CBLN3: variants seen among roughly 807,000 people sequenced by gnomAD.
CBLN3 encodes cerebellin 3 precursor.
A neutral mutation model predicts 17.4 loss-of-function variants in CBLN3; 14 were observed. The observed-to-expected ratio is 0.81, with a 90% CI of 0.53 to 1.26. The LOEUF (loss-of-function observed/expected upper bound fraction) is 1.26, where lower values mean the gene tolerates loss of function less well. Among genes scored for constraint, CBLN3 ranks in the 50% most tolerant of loss-of-function variants. The pLI is 0.00. For missense variants in CBLN3, 263 were observed against 268.5 expected (o/e 0.98, Z 0.14); for synonymous variants, 129 against 117.4 (o/e 1.10, Z -0.64).
Position 24,429,504 on chromosome 14 carries a change from A to G in CBLN3, c.-450T>C. ...TCCTCCTACTCTTCCTCTCTTCAAA[A>G]TCCCCCACAAATCAACAGCCCTTCT... On this transcript the variant is annotated 5_prime_UTR_variant, in exon 1 of 3. Coordinates refer to ENST00000267406, the MANE Select transcript of CBLN3 (RefSeq NM_001039771.3). 2.2e-6 allele frequency: 1 copy of G among 459,070 alleles called. No homozygotes were observed. Among genetic ancestry groups the G allele is most frequent in the Non-Finnish European group, 4.2e-6 (1 of 237,334 alleles). The allele number at this position is 459,070 out of a possible 1,614,324, so 28.4% of individuals were successfully genotyped here.
chr14:24,428,185 GAC>G (rs2043042193), intron 2 of CBLN3, 99 bp downstream of exon 2: 1 of 1,505,162 alleles, frequency 6.6e-7, no homozygotes, highest in African/African-American at 1.4e-5. Context: ...TGGCCTCCAG[GAC>G]ACAGGTCAAT....
intron 2 of CBLN3, 38 bp downstream of exon 2, chr14:24,428,248 C>T (rs2043043201): frequency 1.2e-6 from 2 of 1,608,924 alleles, no homozygotes; most frequent in South Asian, 1.1e-5. Flanking sequence ...CCCTCCCCAC[C>T]CTCCTGAGCC....
In CBLN3 at chr14:24,428,383, C is replaced by A. The variant is rs745665419; in HGVS notation, c.323G>T (p.Gly108Val). 21 of 1,613,888 alleles carry A rather than the reference C, an allele frequency of 1.3e-5. No individual in the cohort carries two copies. The Admixed American group carries it at 3.3e-4, about 26-fold the overall frequency. The change falls in exon 2 of 3, where the codon GGC becomes GTC. Residue 108 changes from glycine to valine, a missense_variant. Gly to Val is a moderately radical substitution (Grantham distance 109, BLOSUM62 -3). Coordinates refer to ENST00000267406, the MANE Select transcript of CBLN3 (RefSeq NM_001039771.3). ...GAAGGAGCCAGAGGCCCGGTCAAAG[C>A]CACCGCCCTCGTTCACCAGGACCTG... Reference protein sequence around the residue: ...FDQVLVNEGGGFDRASGSFVA... With the variant: ...FDQVLVNEGGVFDRASGSFVA...
In CBLN3 at chr14:24,429,393, G is replaced by A. The variant is rs1010819133; in HGVS notation, c.-339C>T. The A allele has an allele frequency of 5.1e-6, 3 of 592,558 alleles. No homozygotes were observed. The highest frequency in any genetic ancestry group is 9.5e-6 in the Non-Finnish European group (3 of 315,108). The allele number at this position is 592,558 out of a possible 1,614,324, so 36.7% of individuals were successfully genotyped here. A position where few individuals can be genotyped will look rare whatever the true frequency, so the allele number is the denominator to read the frequency against. Reference sequence around the variant, plus strand: ...GACAGCACTGAGGGCTGGACCTGGGGGGATGGAGAACATGGTATGTGTGTG... The same window carrying A: ...GACAGCACTGAGGGCTGGACCTGGGAGGATGGAGAACATGGTATGTGTGTG... On this transcript the variant is annotated 5_prime_UTR_variant, in exon 1 of 3. Coordinates refer to ENST00000267406, the MANE Select transcript of CBLN3 (RefSeq NM_001039771.3).
chr14:24,428,213 A>C, intron 2 of CBLN3, 73 bp downstream of exon 2: 1 of 1,580,616 alleles, frequency 6.3e-7, no homozygotes. Flanking sequence ...GTCCACCCGG[A>C]GGTCAGCTGG....
rs1298335541 is a variant in CBLN3, at chr14:24,428,988, C to A, written c.67G>T (p.Val23Leu). 2.6e-6 allele frequency: 4 copies of A among 1,550,332 alleles called. No individual in the cohort carries two copies. Among genetic ancestry groups the A allele is most frequent in the Non-Finnish European group, 1.7e-6 (2 of 1,146,590 alleles). ...LHSPGLPLVL[V>L]LLALGAGWAQ... ...CACCCGGCCCCCAGGGCCAGAAGCA[C>A]CAGAACCAAGGGCAGCCCGGGACTG... The change falls in exon 1 of 3, where the codon GTG becomes TTG. Residue 23 changes from valine to leucine, a missense_variant. Coordinates refer to ENST00000267406, the MANE Select transcript of CBLN3 (RefSeq NM_001039771.3).
chr14:24,428,760 C>T lies in CBLN3; in HGVS notation c.295G>A (p.Asp99Asn), dbSNP rs201024767. ...GACAGGGGTAGGGGGATTACCTGGT[C>T]GAAGTAGATGGCCCCACTGGTGCCA... ...GNGTSGAIYF[D>N]QVLVNEGGGF... The change falls in exon 1 of 3, where the codon GAC (aspartate) becomes AAC (asparagine). Residue 99 changes from aspartate to asparagine, a missense_variant. Physicochemically the swap from Asp to Asn is conservative, Grantham distance 23. Coordinates refer to ENST00000267406, the MANE Select transcript of CBLN3 (RefSeq NM_001039771.3). 5.7e-6 allele frequency: 9 copies of T among 1,585,118 alleles called. No homozygotes were observed. Among genetic ancestry groups the T allele is most frequent in the East Asian group, 4.5e-5 (2 of 44,556 alleles).
At position 24,427,733 on chromosome 14, in the gene CBLN3, G is replaced by C. The variant is rs920924970; in HGVS notation, c.*56C>G. On this transcript the variant is annotated 3_prime_UTR_variant, in exon 3 of 3. Coordinates refer to ENST00000267406, the MANE Select transcript of CBLN3 (RefSeq NM_001039771.3). The surrounding 1 kb of genome is among the most constrained non-coding windows in gnomAD (Gnocchi z 4.4). ...TGCCTCTGCTGTTTCTGGGGCAAGAGAGGGCAGAAGAAAGTTGTCAGGGGC... is the reference window on the plus strand; with the variant it reads ...TGCCTCTGCTGTTTCTGGGGCAAGACAGGGCAGAAGAAAGTTGTCAGGGGC... 1.0e-5 allele frequency: 16 copies of C among 1,524,846 alleles called. No individual in the cohort carries two copies. The highest frequency in any genetic ancestry group is 1.4e-5 in the Non-Finnish European group (15 of 1,101,436). 94.5% of individuals were successfully genotyped at this position (1,524,846 alleles called of 1,614,324 possible).
Position 24,429,174 on chromosome 14 carries a change from A to C in CBLN3, c.-120T>G, listed in dbSNP as rs978181376. The stretch of plus-strand genomic sequence containing the variant: ...CGTCTGCCCTCTCTAGGCTCGCTGA[A>C]CCCCCTCTCCATACCTGTGTCCCAG... On this transcript the variant is annotated 5_prime_UTR_variant, in exon 1 of 3. Transcript: ENST00000267406. 39 of 1,044,938 alleles carry C rather than the reference A, an allele frequency of 3.7e-5. No homozygotes were observed. Among genetic ancestry groups the C allele is most frequent in the Non-Finnish European group, 4.9e-5 (36 of 731,430 alleles). 64.7% of individuals were successfully genotyped at this position (1,044,938 alleles called of 1,614,324 possible). A position where few individuals can be genotyped will look rare whatever the true frequency, so the allele number is the denominator to read the frequency against.
In CBLN3 at chr14:24,428,489, G is replaced by A. The variant is rs1566493557; in HGVS notation, c.301-84C>T. 2.0e-6 allele frequency: 3 copies of A among 1,512,820 alleles called. No individual in the cohort carries two copies. The East Asian group carries it at 6.9e-5, about 35-fold the overall frequency. 93.7% of individuals were successfully genotyped at this position (1,512,820 alleles called of 1,614,324 possible). On this transcript the variant is annotated intron_variant, in intron 1 of 2. Coordinates refer to ENST00000267406, the MANE Select transcript of CBLN3 (RefSeq NM_001039771.3). ...CATGGGGACTAGGGGCAGGGGCAGT[G>A]AGTAATGAATAGAAGGAGTGGCAAG...
In CBLN3 at chr14:24,427,810, G is replaced by C. The variant is rs774542820; in HGVS notation, c.597C>G (p.Gly199=). 11 of 1,614,144 alleles carry C rather than the reference G, an allele frequency of 6.8e-6. No homozygotes were observed. The highest frequency in any genetic ancestry group is 1.7e-4 in the Middle Eastern group (1 of 6,060). The stretch of plus-strand genomic sequence containing the variant: ...GTCCTCAGAGAGGGAAGATGAGGAA[G>C]CCAGAGAAACTTGAGTATTTCCAAC... ...LGGWKYSSFS[G]FLIFPL The change falls in exon 3 of 3, where the codon GGC becomes GGG. Residue 199 remains glycine (G), a synonymous_variant. Transcript: ENST00000267406. This position sits in a 1 kb window ranked among gnomAD's most constrained non-coding sequence, Gnocchi z 4.4.
rs146562304 is a variant in CBLN3, at chr14:24,428,350, G to A, written c.356C>T (p.Pro119Leu). 3 of 1,613,976 alleles carry A rather than the reference G, an allele frequency of 1.9e-6. No homozygotes were observed. In the Admixed American group the frequency reaches 5.0e-5, roughly 27 times the overall value. Residue 119 changes from proline (P) to leucine (L), a missense_variant, in exon 2 of 3, where the codon CCT becomes CTT. Coordinates refer to ENST00000267406, the MANE Select transcript of CBLN3 (RefSeq NM_001039771.3). ...CCGGAAGCTGTAGACACCCCGGACA[G>A]GGGCTACGAAGGAGCCAGAGGCCCG... The part of the protein sequence containing the change: ...FDRASGSFVA[P>L]VRGVYSFRFH...
chr14:24,427,695 G>A lies in CBLN3; in HGVS notation c.*94C>T. On this transcript the variant is annotated 3_prime_UTR_variant, in exon 3 of 3. Transcript: ENST00000267406. The surrounding 1 kb of genome is among the most constrained non-coding windows in gnomAD (Gnocchi z 4.4). ...CAAAGAGGTGGGATAGGAGCCAGAG[G>A]GAGTCTCTCTCCTGCCTCTGCTGTT... is the stretch of plus-strand genomic sequence containing the variant. 1 of 1,137,640 alleles carries A rather than the reference G, an allele frequency of 8.8e-7. No individual in the cohort carries two copies. The highest frequency in any genetic ancestry group is 1.8e-5 in the Admixed American group (1 of 55,764). 70.5% of individuals were successfully genotyped at this position (1,137,640 alleles called of 1,614,324 possible).
chr14:24,428,037 C>T (rs965221257), intron 2 of CBLN3, 51 bp from the exon 3 acceptor site: 15 of 1,549,548 alleles, frequency 9.7e-6, no homozygotes, highest in Non-Finnish European at 1.2e-5. Context: ...TAGCTCAGGA[C>T]CCCCCACTTT....
chr14:24,427,737 G>T lies in CBLN3; in HGVS notation c.*52C>A, dbSNP rs1351419060. 5 of 1,547,592 alleles carry T rather than the reference G, an allele frequency of 3.2e-6. No individual in the cohort carries two copies. Among genetic ancestry groups the T allele is most frequent in the Non-Finnish European group, 4.5e-6 (5 of 1,121,546 alleles). ...TCTGCTGTTTCTGGGGCAAGAGAGG[G>T]CAGAAGAAAGTTGTCAGGGGCTGGA... On this transcript the variant is annotated 3_prime_UTR_variant, in exon 3 of 3. Coordinates refer to ENST00000267406, the MANE Select transcript of CBLN3 (RefSeq NM_001039771.3). The surrounding 1 kb of genome is among the most constrained non-coding windows in gnomAD (Gnocchi z 4.4).
At position 24,428,872 on chromosome 14, in the gene CBLN3, TC is replaced by T; in HGVS notation, c.182del (p.Gly61GlufsTer43). ...CAGGGGGTGCCTCTCCCAGGGCTGC[TC>T]CCCCGGGCCCCCCTGCAGCAGCTCG... Reference protein sequence around the residue: ...PGRAAAGGPGGAALGEAPPGR... With the variant: ...PGRAAAGGPGXAALGEAPPGR... On this transcript the variant is annotated frameshift_variant, in exon 1 of 3. Transcript: ENST00000267406. LOFTEE classifies it high-confidence loss of function. The T allele has an allele frequency of 2.5e-6, 4 of 1,605,638 alleles. No homozygotes were observed. The highest frequency in any genetic ancestry group is 1.7e-5 in the Admixed American group (1 of 58,816).
intron 2 of CBLN3, 107 bp from the exon 3 acceptor site, chr14:24,428,093 G>A: frequency 3.6e-6 from 5 of 1,377,618 alleles, no homozygotes; most frequent in East Asian, 2.3e-5. Flanking sequence ...GGGCTCTCCC[G>A]GGAGGGCTGA....
At position 24,427,864 on chromosome 14, in the gene CBLN3, CAG is replaced by C. The variant is rs1220381235; in HGVS notation, c.541_542del (p.Leu181AlafsTer38). On this transcript the variant is annotated frameshift_variant, in exon 3 of 3. Transcript: ENST00000267406. LOFTEE classifies it high-confidence loss of function. The surrounding 1 kb of genome is among the most constrained non-coding windows in gnomAD (Gnocchi z 4.4). ...LPLDPGDRVS[L>X]RLRRGNLLGG... is the part of the protein sequence containing the mutation. ...CCAGTAGATTCCCCCGACGCAGGCG[CAG>C]AGACACTCGGTCCCCAGGGTCCAAG... 1.9e-6 allele frequency: 3 copies of C among 1,614,138 alleles called. No homozygotes were observed. In the South Asian group the frequency reaches 3.3e-5, roughly 18 times the overall value.
rs1284082904 is a variant in CBLN3, at chr14:24,427,872, C to T, written c.535G>A (p.Val179Met). 1.2e-6 allele frequency: 2 copies of T among 1,614,028 alleles called. No individual in the cohort carries two copies. Among genetic ancestry groups the T allele is most frequent in the Non-Finnish European group, 1.7e-6 (2 of 1,180,018 alleles). The change falls in exon 3 of 3, where the codon GTG becomes ATG. Residue 179 changes from valine to methionine, a missense_variant. By Grantham distance (21) the Val-to-Met change is conservative (BLOSUM62 1). Coordinates refer to ENST00000267406, the MANE Select transcript of CBLN3 (RefSeq NM_001039771.3). The surrounding 1 kb of genome is among the most constrained non-coding windows in gnomAD (Gnocchi z 4.4). ...TTCCCCCGACGCAGGCGCAGAGACA[C>T]TCGGTCCCCAGGGTCCAAGGGCAGT... ...VLLPLDPGDR[V>M]SLRLRRGNLL...
Sources: allele counts gnomAD v4.1 joint callset, GRCh38; gene constraint gnomAD v4.1.1; non-coding constraint Gnocchi (gnomAD v3.1); transcripts MANE v1.5; gene names NCBI Gene and HGNC (gene_info 2026-07-23, HGNC 2026-07-21).